COL25A1: variants seen among roughly 807,000 people sequenced by gnomAD.
The protein encoded by COL25A1 is collagen type XXV alpha 1 chain, also known as collagen alpha-1(XXV) chain.
Under a neutral mutation model 128.4 loss-of-function variants are expected in COL25A1, and 103 were observed. That is an observed-to-expected ratio of 0.80 (90% confidence interval 0.68 to 0.94). The LOEUF is 0.94. COL25A1 is among the 40% of genes least tolerant of loss of function. The probability of loss-of-function intolerance (pLI) is 0.00; values close to 1 mark genes in which losing one functional copy is unlikely to be tolerated. For missense variants in COL25A1, 745 were observed against 840.0 expected, an observed-to-expected ratio of 0.89 and a Z score of 1.40; for synonymous variants, 279 against 277.2, an observed-to-expected ratio of 1.01 and a Z score of -0.06.
chr4:109,265,155 A>T (rs528960604), intron 3 of COL25A1, among the ~76,000 whole-genome samples: 1 of 152,310 alleles, frequency 6.6e-6, no homozygotes, highest in Non-Finnish European at 1.5e-5. Flanking sequence ...AAGTTCACTG[A>T]TCATCCAGTA....
chr4:109,191,395 C>A (rs922288173), intron 3 of COL25A1, among the ~76,000 whole-genome samples: 5 of 152,140 alleles, frequency 3.3e-5, no homozygotes, highest in Non-Finnish European at 7.3e-5. Context: ...CCCTTGTGTG[C>A]CATACAGATT....
At chr4:109,042,651 A>T (rs2125930134) in intron 5 of COL25A1, among the ~76,000 whole-genome samples, 1 of 152,230 alleles carries the variant, frequency 6.6e-6, no homozygotes, top group Admixed American at 6.5e-5. Flanking sequence ...ATTTAAAAGC[A>T]CATTCTTTGA....
At chr4:108,855,777 A>C (rs1736420678) in intron 24 of COL25A1, among the ~76,000 whole-genome samples, 1 of 152,180 alleles carries the variant, frequency 6.6e-6, no homozygotes, top group South Asian at 2.1e-4. Context: ...AATAGGTTTC[A>C]ATGACAACAA....
intron 3 of COL25A1, among the ~76,000 whole-genome samples, chr4:109,239,836 C>CA (rs1316317617): frequency 2.0e-5 from 3 of 152,072 alleles, no homozygotes; most frequent in Non-Finnish European, 4.4e-5. Flanking sequence ...GCTTATAACA[C>CA]AAACACATTG....
chr4:108,846,326 T>C, intron 27 of COL25A1, 107 bp from the exon 28 acceptor site: 2 of 741,548 alleles, frequency 2.7e-6, no homozygotes, highest in South Asian at 1.5e-5. Context: ...GTGGGTTCAA[T>C]GTTGAGATGA....
At chr4:109,261,824 A>C (rs1480914637) in intron 3 of COL25A1, among the ~76,000 whole-genome samples, 1 of 151,482 alleles carries the variant, frequency 6.6e-6, no homozygotes, top group Non-Finnish European at 1.5e-5. Context: ...CAGCCACCCG[A>C]GTAGCTGGGA....
chr4:109,235,784 T>G (rs890445100), intron 3 of COL25A1, among the ~76,000 whole-genome samples: 9 of 152,214 alleles, frequency 5.9e-5, no homozygotes, highest in African/African-American at 1.9e-4. Flanking sequence ...GGGCTAAGTG[T>G]AATGTCTTGT....
intron 3 of COL25A1, among the ~76,000 whole-genome samples, chr4:109,203,111 C>T (rs1247824888): frequency 2.6e-5 from 4 of 152,096 alleles, no homozygotes; most frequent in Non-Finnish European, 5.9e-5. Flanking sequence ...AATAAAGACT[C>T]ACACAAAACC....
intron 14 of COL25A1, 93 bp from the exon 15 acceptor site, chr4:108,899,273 G>T: frequency 2.6e-6 from 3 of 1,141,902 alleles, no homozygotes; most frequent in Non-Finnish European, 3.8e-6. Flanking sequence ...AACTTACTAG[G>T]TAAATTATGC....
chr4:109,245,750 T>C (rs1201051386), intron 3 of COL25A1, among the ~76,000 whole-genome samples: 2 of 152,212 alleles, frequency 1.3e-5, no homozygotes, highest in East Asian at 3.9e-4. Context: ...AGAAGTCCTA[T>C]GTCAAGAATC....
chr4:108,901,526 T>G (rs1057110147), intron 13 of COL25A1, among the ~76,000 whole-genome samples: 1 of 152,098 alleles, frequency 6.6e-6, no homozygotes, highest in African/African-American at 2.4e-5. Flanking sequence ...AAAAAACTTT[T>G]AAGTGATTCA....
At chr4:108,940,212 G>T (rs1298252482) in intron 10 of COL25A1, among the ~76,000 whole-genome samples, 1 of 152,154 alleles carries the variant, frequency 6.6e-6, no homozygotes, top group Non-Finnish European at 1.5e-5. Context: ...ATACACCTGG[G>T]AATGGGCAAC....
At chr4:109,197,317 C>T (rs1025389843) in intron 3 of COL25A1, among the ~76,000 whole-genome samples, 2 of 137,956 alleles carry the variant, frequency 1.4e-5, no homozygotes, top group African/African-American at 5.5e-5. Context: ...CAGAGAAAGA[C>T]CCTGTCTCAA....
chr4:108,945,993 C>T (rs572184850), intron 8 of COL25A1, among the ~76,000 whole-genome samples: 1 of 152,184 alleles, frequency 6.6e-6, no homozygotes, highest in African/African-American at 2.4e-5. Context: ...TTTTCACACC[C>T]AAATACTTTG....
intron 3 of COL25A1, among the ~76,000 whole-genome samples, chr4:109,296,583 C>T (rs1725013515): frequency 6.6e-6 from 1 of 151,976 alleles, no homozygotes; most frequent in African/African-American, 2.4e-5. Context: ...CTGACAAATG[C>T]CCTTCAAAAT....
At chr4:109,226,988 G>T (rs896596082) in intron 3 of COL25A1, among the ~76,000 whole-genome samples, 3 of 152,022 alleles carry the variant, frequency 2.0e-5, no homozygotes, top group African/African-American at 7.2e-5. Context: ...GCTAATTGTG[G>T]GCACCCAGCT....
intron 6 of COL25A1, among the ~76,000 whole-genome samples, chr4:109,005,992 G>C (rs571480308): frequency 1.3e-5 from 2 of 151,850 alleles, no homozygotes; most frequent in South Asian, 4.2e-4. Context: ...CAAAAGGGTT[G>C]ACATTTTAAG....
At chr4:108,918,554 AG>A (rs1560861813) in intron 12 of COL25A1, among the ~76,000 whole-genome samples, 1 of 152,248 alleles carries the variant, frequency 6.6e-6, no homozygotes, top group African/African-American at 2.4e-5. Context: ...ATCTGGAAAA[AG>A]CCTACCAGTA....
intron 5 of COL25A1, among the ~76,000 whole-genome samples, chr4:109,011,737 C>T (rs1018036358): frequency 2.0e-5 from 3 of 152,186 alleles, no homozygotes; most frequent in Non-Finnish European, 2.9e-5. Flanking sequence ...CTCTGCCTTT[C>T]GGCCTAGAAG....
Sources: gnomAD v4.1 joint callset for allele counts (sites outside exome capture counted in the v4.1 genomes callset) on GRCh38, gnomAD v4.1.1 for gene constraint, MANE v1.5 for transcripts, NCBI Gene and HGNC (gene_info 2026-07-23, HGNC 2026-07-21) for gene names.